CPVL: variants seen among roughly 807,000 people sequenced by gnomAD.
CPVL encodes probable serine carboxypeptidase CPVL.
A neutral mutation model predicts 63.7 loss-of-function variants in CPVL; 51 were observed. That is an observed-to-expected ratio of 0.80 (90% CI 0.64 to 1.01). The LOEUF is 1.01. CPVL is among the 50% of genes least tolerant of loss of function. The pLI is 0.00. For synonymous variants in CPVL, 195 were observed against 206.0 expected, an observed-to-expected ratio of 0.95 and a Z score of 0.46; for missense variants, 530 against 573.1, an observed-to-expected ratio of 0.92 and a Z score of 0.77.
At chr7:29,020,954 T>C (rs1232125885) in intron 12 of CPVL, among the ~76,000 whole-genome samples, 2 of 152,146 alleles carry the variant, frequency 1.3e-5, no homozygotes, top group Non-Finnish European at 2.9e-5. Flanking sequence ...GGTGGGTGGA[T>C]CACTTGAGGT....
chr7:29,107,190 G>A (rs918507527), intron 3 of CPVL, among the ~76,000 whole-genome samples: 1 of 152,248 alleles, frequency 6.6e-6, no homozygotes, highest in Non-Finnish European at 1.5e-5. Flanking sequence ...AGCCGTGGAA[G>A]TCAAACATCA....
At chr7:29,123,597 GAAAAAAAAAAAAAAAAAAAAAA>G (rs778757980) in intron 1 of CPVL, among the ~76,000 whole-genome samples, 11 of 41,262 alleles carry the variant, frequency 2.7e-4, no homozygotes, top group Admixed American at 9.3e-4. Context: ...AACTGGTTCA[GAAAAAAAAAAAAAAAAAAAAAA>G]AAAAAAAAAA....
At chr7:29,010,593 TG>T (rs1311909059) in intron 12 of CPVL, 1 of 152,224 alleles carries the variant, frequency 6.6e-6, no homozygotes, top group East Asian at 1.9e-4. Context: ...AAGTTAAAAC[TG>T]GATACAGCTG....
At chr7:29,054,824 G>C (rs1381147299) in intron 11 of CPVL, among the ~76,000 whole-genome samples, 1 of 151,820 alleles carries the variant, frequency 6.6e-6, no homozygotes, top group African/African-American at 2.4e-5. Context: ...TTCCATTTTG[G>C]TAATTTCTTC....
intron 1 of CPVL, among the ~76,000 whole-genome samples, chr7:29,140,394 T>G (rs1445255112): frequency 6.6e-6 from 1 of 152,200 alleles, no homozygotes; most frequent in East Asian, 1.9e-4. Flanking sequence ...GGTGAGACAC[T>G]TTGCTAAAAC....
chr7:29,112,842 T>G lies in CPVL; in HGVS notation c.170-20A>C, dbSNP rs750590051. 1.3e-6 allele frequency: 2 copies of G among 1,523,180 alleles called. No homozygotes were observed. Among genetic ancestry groups the G allele is most frequent in the South Asian group, 1.1e-5 (1 of 89,560 alleles). 94.4% of individuals were successfully genotyped at this position (1,523,180 alleles called of 1,614,324 possible). A position where few individuals can be genotyped will look rare whatever the true frequency, so the allele number is the denominator to read the frequency against. ...CTCTTCCTAGTGGGGGAAAAAAAAT[T>G]TACCCAAGGATTACAGAAAACAATA... On this transcript the variant is annotated intron_variant, in intron 2 of 12. Coordinates refer to ENST00000265394, the MANE Select transcript of CPVL (RefSeq NM_031311.5).
chr7:29,141,709 G>T (rs1791901476), intron 1 of CPVL, among the ~76,000 whole-genome samples: 1 of 152,144 alleles, frequency 6.6e-6, no homozygotes, highest in Non-Finnish European at 1.5e-5. Context: ...GAGGTCAGGA[G>T]ATGGAGACCA....
intron 12 of CPVL, among the ~76,000 whole-genome samples, chr7:29,025,925 T>C (rs1392744497): frequency 6.6e-6 from 1 of 151,946 alleles, no homozygotes; most frequent in African/African-American, 2.4e-5. Context: ...GACAGAAAAA[T>C]AAGAAAGAAA....
At position 29,095,161 on chromosome 7, in the gene CPVL, G is replaced by C; in HGVS notation, c.404-19C>G. On this transcript the variant is annotated intron_variant, in intron 4 of 12. Transcript: ENST00000265394. Reference sequence around the variant, plus strand: ...TCACGCACTGTGAAAACAAAGAAGAGGGGTGAGATAGAGTCGTGGACAAGC... The same window carrying C: ...TCACGCACTGTGAAAACAAAGAAGACGGGTGAGATAGAGTCGTGGACAAGC... 6.2e-7 allele frequency: 1 copy of C among 1,610,162 alleles called. No homozygotes were observed. Among genetic ancestry groups the C allele is most frequent in the Non-Finnish European group, 8.5e-7 (1 of 1,176,496 alleles).
chr7:29,045,813 G>A (rs1195650766), intron 11 of CPVL, among the ~76,000 whole-genome samples: 1 of 152,126 alleles, frequency 6.6e-6, no homozygotes, highest in Non-Finnish European at 1.5e-5. Context: ...AACAAAATGA[G>A]TTAGATTTGC....
At chr7:29,131,522 GTTT>G (rs1436828807) in intron 1 of CPVL, among the ~76,000 whole-genome samples, 1 of 151,876 alleles carries the variant, frequency 6.6e-6, no homozygotes, top group African/African-American at 2.4e-5. Flanking sequence ...CACTCTTTGT[GTTT>G]TTTTGTTTTG....
At chr7:29,145,397 G>T (rs957107197) in intron 1 of CPVL, among the ~76,000 whole-genome samples, 1 of 151,986 alleles carries the variant, frequency 6.6e-6, no homozygotes, top group African/African-American at 2.4e-5. Flanking sequence ...TGTCATCCAA[G>T]TAGTGGATAC....
intron 1 of CPVL, among the ~76,000 whole-genome samples, chr7:29,139,114 C>T (rs757777390): frequency 6.6e-5 from 10 of 152,110 alleles, no homozygotes; most frequent in Non-Finnish European, 1.3e-4. Flanking sequence ...AAAGCCAGAC[C>T]GTAGAGGATG....
At chr7:29,041,517 C>T (rs1789091741) in intron 11 of CPVL, among the ~76,000 whole-genome samples, 1 of 152,218 alleles carries the variant, frequency 6.6e-6, no homozygotes, top group Non-Finnish European at 1.5e-5. Flanking sequence ...TCTCCAAAGA[C>T]TGCAATGTGC....
intron 12 of CPVL, among the ~76,000 whole-genome samples, chr7:29,020,902 G>A (rs185421602): frequency 6.9e-4 from 105 of 152,310 alleles, no homozygotes; most frequent in African/African-American, 1.0e-3. Flanking sequence ...CAGGCCGAGC[G>A]TGGTGGCTCA....
chr7:29,175,792 G>A (rs1158034867), intron 5 of CPVL, among the ~76,000 whole-genome samples: 1 of 151,940 alleles, frequency 6.6e-6, no homozygotes, highest in Non-Finnish European at 1.5e-5. Flanking sequence ...TGAAAGAAGG[G>A]TTAGGAAGTA....
At chr7:29,114,591 C>T (rs547325995) in intron 2 of CPVL, among the ~76,000 whole-genome samples, 27 of 152,078 alleles carry the variant, frequency 1.8e-4, no homozygotes, top group Non-Finnish European at 3.2e-4. Flanking sequence ...GATCATGCCA[C>T]TGCACTCCAG....
intron 12 of CPVL, among the ~76,000 whole-genome samples, chr7:28,997,720 T>C (rs1019470907): frequency 6.8e-6 from 1 of 147,688 alleles, no homozygotes; most frequent in Admixed American, 6.9e-5. Context: ...TACTCAATCA[T>C]TCCTTATCTT....
intron 5 of CPVL, among the ~76,000 whole-genome samples, chr7:29,153,161 TATTTC>T (rs1793839355): frequency 6.6e-6 from 1 of 152,224 alleles, no homozygotes; most frequent in African/African-American, 2.4e-5. Context: ...TAAGAGGGTA[TATTTC>T]ATTTAACAGT....
Sources: gnomAD v4.1 joint callset for allele counts (sites outside exome capture counted in the v4.1 genomes callset) on GRCh38, gnomAD v4.1.1 for gene constraint, MANE v1.5 for transcripts, NCBI Gene and HGNC (gene_info 2026-07-23, HGNC 2026-07-21) for gene names.